HEATR5A: variants seen among roughly 807,000 people sequenced by gnomAD.
HEATR5A encodes the protein HEAT repeat-containing protein 5A.
Under a neutral mutation model 218.8 loss-of-function variants are expected in HEATR5A, and 178 were observed. The ratio of observed to expected loss-of-function variants is 0.81; its 90% CI spans 0.72 to 0.92. HEATR5A has a LOEUF of 0.92. HEATR5A is among the 40% of genes least tolerant of loss of function. HEATR5A has a pLI of 0.00. For missense variants in HEATR5A, 2,420 were observed against 2,418.9 expected, an observed-to-expected ratio of 1.00 and a Z score of -0.01; for synonymous variants, 864 against 871.6, an observed-to-expected ratio of 0.99 and a Z score of 0.15.
At chr14:31,417,910 A>G (rs2031508614) in intron 1 of HEATR5A, among the ~76,000 whole-genome samples, 1 of 152,086 alleles carries the variant, frequency 6.6e-6, no homozygotes, top group South Asian at 2.1e-4. Context: ...ACCAAGATTA[A>G]TAAGTAAAAG....
chr14:31,306,674 A>T, intron 31 of HEATR5A, 58 bp downstream of exon 31: 1 of 1,489,464 alleles, frequency 6.7e-7, no homozygotes, highest in Non-Finnish European at 9.1e-7. Flanking sequence ...ACATTAAATA[A>T]TACTTTACAA....
At chr14:31,339,375 G>A (rs765280404) in intron 21 of HEATR5A, among the ~76,000 whole-genome samples, 32 of 147,456 alleles carry the variant, frequency 2.2e-4, no homozygotes, top group African/African-American at 4.8e-4. Context: ...GCTTGAACCC[G>A]GGAGGCAGAA....
intron 14 of HEATR5A, among the ~76,000 whole-genome samples, chr14:31,363,676 G>A (rs1488864123): frequency 1.3e-5 from 2 of 151,928 alleles, no homozygotes; most frequent in Admixed American, 1.3e-4. Context: ...TAAGAAGGAG[G>A]TTTTTTAAAA....
intron 31 of HEATR5A, among the ~76,000 whole-genome samples, chr14:31,305,432 T>G (rs1348156799): frequency 6.6e-6 from 1 of 152,092 alleles, no homozygotes; most frequent in Non-Finnish European, 1.5e-5. Context: ...CCAGCTAATT[T>G]TTGTATTTTT....
chr14:31,315,064 T>G (rs1243348204), intron 27 of HEATR5A, among the ~76,000 whole-genome samples: 1 of 152,016 alleles, frequency 6.6e-6, no homozygotes, highest in Admixed American at 6.6e-5. Context: ...TCCCAGCTAC[T>G]TGGGAGGTTG....
chr14:31,384,223 G>A (rs2030111907), intron 9 of HEATR5A, among the ~76,000 whole-genome samples: 1 of 152,084 alleles, frequency 6.6e-6, no homozygotes, highest in African/African-American at 2.4e-5. Flanking sequence ...CAGGCAGACT[G>A]CCTGAGCTCA....
chr14:31,386,399 A>T, intron 9 of HEATR5A, 21 bp downstream of exon 9: 1 of 1,603,422 alleles, frequency 6.2e-7, no homozygotes. Flanking sequence ...AGGTATTCCA[A>T]TGAGTCACAA....
chr14:31,294,799 T>G (rs1899125664), intron 34 of HEATR5A, among the ~76,000 whole-genome samples: 1 of 152,146 alleles, frequency 6.6e-6, no homozygotes, highest in Non-Finnish European at 1.5e-5. Flanking sequence ...AGATATTTTG[T>G]TGATTTCAGA....
rs753258943 is a variant in HEATR5A, at chr14:31,374,963, C to T, written c.1714G>A (p.Ala572Thr). 2 of 1,602,308 alleles carry T rather than the reference C, an allele frequency of 1.2e-6. No homozygotes were observed. Among genetic ancestry groups the T allele is most frequent in the Non-Finnish European group, 1.7e-6 (2 of 1,174,782 alleles). ...CGAGCAAGGTGATGGCTAACAACTGCAGGACCTGTAATTTATTCAACTTGT... is the reference window on the plus strand; with the variant it reads ...CGAGCAAGGTGATGGCTAACAACTGTAGGACCTGTAATTTATTCAACTTGT... ...LISALMTLGPAVVSHHLARVL... is the reference protein window; with the variant it reads ...LISALMTLGPTVVSHHLARVL... The change falls in exon 12 of 36, where the codon GCA becomes ACA. Residue 572 changes from alanine (A) to threonine (T), a missense_variant. Physicochemically the swap from Ala to Thr is moderately conservative, Grantham distance 58. Transcript: ENST00000543095.
chr14:31,407,596 A>ATATATATATATT (rs2031121009), intron 1 of HEATR5A, among the ~76,000 whole-genome samples: 2 of 482 alleles, frequency 4.1e-3, no homozygotes, highest in African/African-American at 4.8e-3. Context: ...ATATATATAT[A>ATATATATATATT]TATATATATA....
chr14:31,302,783 G>A (rs1001624730), intron 32 of HEATR5A: 40 of 382,726 alleles, frequency 1.0e-4, no homozygotes, highest in Non-Finnish European at 1.7e-4. Context: ...GTTTTCTTTG[G>A]CAGTCGATAA....
chr14:31,347,826 T>G lies in HEATR5A; in HGVS notation c.2790A>C (p.Ile930=). 1 of 1,605,352 alleles carries G rather than the reference T, an allele frequency of 6.2e-7. No individual in the cohort carries two copies. Among genetic ancestry groups the G allele is most frequent in the Non-Finnish European group, 8.5e-7 (1 of 1,175,292 alleles). ...AAGAATTTAGGTGTTGAGAAGAACT[T>G]ATTCCTCCTAAATACCTATGTAGGG... is the stretch of plus-strand genomic sequence containing the variant. ...LGSLHRYLGG[I]SSSQHLNSCI... is the part of the protein sequence containing the mutation. Residue 930 remains isoleucine (I), a synonymous_variant, in exon 19 of 36, where the codon ATA becomes ATC. Transcript: ENST00000543095.
At chr14:31,304,830 A>G in intron 32 of HEATR5A, 75 bp downstream of exon 32, 1 of 1,439,600 alleles carries the variant, frequency 6.9e-7, no homozygotes, top group Non-Finnish European at 9.5e-7. Flanking sequence ...GAAAAAGATT[A>G]GCAACTAGAC....
chr14:31,407,685 A>G (rs1331430950), intron 1 of HEATR5A, among the ~76,000 whole-genome samples: 1 of 117,356 alleles, frequency 8.5e-6, no homozygotes. Flanking sequence ...CTGGAGTGCA[A>G]TGGTGCGATC....
chr14:31,343,782 C>T (rs999167629), intron 21 of HEATR5A, 114 bp downstream of exon 21: 52 of 768,510 alleles, frequency 6.8e-5, no homozygotes, highest in Middle Eastern at 4.4e-4. Context: ...GAAATAGCTA[C>T]GTATATAACA....
At chr14:31,389,026 G>T in intron 6 of HEATR5A, 21 bp from the exon 7 acceptor site, 1 of 1,572,364 alleles carries the variant, frequency 6.4e-7, no homozygotes, top group Non-Finnish European at 8.7e-7. Context: ...GAACAAAACT[G>T]TGATTCATAT....
chr14:31,418,951 T>C (rs779090889), intron 1 of HEATR5A, among the ~76,000 whole-genome samples: 12 of 152,208 alleles, frequency 7.9e-5, no homozygotes, highest in Non-Finnish European at 1.6e-4. Flanking sequence ...TTTCTGTAGA[T>C]AATATATTCA....
At chr14:31,407,691 C>G (rs367766652) in intron 1 of HEATR5A, among the ~76,000 whole-genome samples, 1 of 151,470 alleles carries the variant, frequency 6.6e-6, no homozygotes, top group Non-Finnish European at 1.5e-5. Flanking sequence ...TGCAATGGTG[C>G]GATCTCGGCT....
In HEATR5A at chr14:31,370,233, A is replaced by C. The variant is rs1029201012; in HGVS notation, c.1961+1577T>G. 3.9e-5 allele frequency among the ~76,000 whole-genome samples: 6 copies of C among 152,304 alleles called. No homozygotes were observed. In the East Asian group the frequency reaches 9.6e-4, roughly 24 times the overall value. ...AGAGCGAGACTACGTCTCAAAAAAA[A>C]AAAAGGAAGAATTTCTTATAAATCA... On this transcript the variant is annotated intron_variant, in intron 13 of 35. Transcript: ENST00000543095.
Sources: allele counts gnomAD v4.1 joint callset (sites outside exome capture counted in the v4.1 genomes callset), GRCh38; gene constraint gnomAD v4.1.1; transcripts MANE v1.5; gene names NCBI Gene and HGNC (gene_info 2026-07-23, HGNC 2026-07-21).